Variants in PPM1F observed in about 807,000 individuals in gnomAD.
PPM1F encodes protein phosphatase, Mg2+/Mn2+ dependent 1F, also known as protein phosphatase 1F.
In PPM1F, 17 loss-of-function variants were observed where a neutral mutation model predicts 35.5. The observed-to-expected ratio is 0.48, with a 90% CI of 0.33 to 0.72. PPM1F has a LOEUF of 0.72. PPM1F is among the 30% of genes least tolerant of loss of function. The probability of loss-of-function intolerance (pLI) is 0.02; values close to 1 mark genes in which losing one functional copy is unlikely to be tolerated. For synonymous variants in PPM1F, 241 were observed against 255.5 expected, an observed-to-expected ratio of 0.94 and a Z score of 0.54; for missense variants, 521 against 613.0, an observed-to-expected ratio of 0.85 and a Z score of 1.59.
intron 7 of PPM1F, among the ~76,000 whole-genome samples, chr22:21,923,824 C>G (rs540903454): frequency 6.6e-6 from 1 of 151,576 alleles, no homozygotes; most frequent in South Asian, 2.1e-4. Flanking sequence ...ATTACAGGCT[C>G]GCGCCACCAT....
chr22:21,928,873 C>G (rs983497856), intron 6 of PPM1F, among the ~76,000 whole-genome samples: 19 of 152,326 alleles, frequency 1.2e-4, no homozygotes, highest in Middle Eastern at 3.4e-3. Flanking sequence ...GGTCCTTGCC[C>G]TCCTCCTGCT....
At chr22:21,942,223 A>G (rs2070732998) in intron 2 of PPM1F, 1 of 151,952 alleles carries the variant, frequency 6.6e-6, no homozygotes, top group Non-Finnish European at 1.5e-5. Context: ...TGGGCACCCA[A>G]GGTATCTACT....
intron 6 of PPM1F, among the ~76,000 whole-genome samples, chr22:21,927,956 T>C (rs1238329988): frequency 7.0e-6 from 1 of 142,252 alleles, no homozygotes; most frequent in Non-Finnish European, 1.5e-5. Context: ...TTTTTTTTTT[T>C]TTTTTTTTTT....
intron 6 of PPM1F, among the ~76,000 whole-genome samples, chr22:21,927,942 G>GTTTTGTTTTTTTTTTTTT (rs2070537227): frequency 1.3e-5 from 1 of 75,126 alleles, no homozygotes; most frequent in Non-Finnish European, 2.3e-5. Flanking sequence ...TTTTTGTTTT[G>GTTTTGTTTTTTTTTTTTT]TTTTTTTTTT....
At chr22:21,934,307 C>T (rs2070632780) in intron 3 of PPM1F, 81 bp from the exon 4 acceptor site, 1 of 1,240,246 alleles carries the variant, frequency 8.1e-7, no homozygotes, top group African/African-American at 1.5e-5. Flanking sequence ...ACAGCTCCCA[C>T]AGGGGCCTGC....
chr22:21,946,163 A>T, intron 1 of PPM1F, 55 bp from the exon 2 acceptor site: 3 of 840,456 alleles, frequency 3.6e-6, no homozygotes, highest in Non-Finnish European at 5.3e-6. Context: ...CCAGCAATGC[A>T]GGTGCCCACC....
rs2070706347 is a variant in PPM1F at position 21,939,896 on chromosome 22, GA to G, written c.207-217del. ...CATACTTGAGCCTGCGGCTAGTTGGGAGGGGGCTGTTGATGGGCAAGTAAAC... is the reference window on the plus strand; with the variant it reads ...CATACTTGAGCCTGCGGCTAGTTGGGGGGGGCTGTTGATGGGCAAGTAAAC... On this transcript the variant is annotated intron_variant, in intron 2 of 7. Transcript: ENST00000263212. The surrounding 1 kb of genome is among the most constrained non-coding windows in gnomAD (Gnocchi z 5.1). 6.6e-6 allele frequency among the ~76,000 whole-genome samples: 1 copy of G among 152,234 alleles called. No individual in the cohort carries two copies. The highest frequency in any genetic ancestry group is 1.5e-5 in the Non-Finnish European group (1 of 68,034).
chr22:21,939,508 C>A lies in PPM1F; in HGVS notation c.355+24G>T. On this transcript the variant is annotated intron_variant, in intron 3 of 7. Coordinates refer to ENST00000263212, the MANE Select transcript of PPM1F (RefSeq NM_014634.4). This position sits in a 1 kb window ranked among gnomAD's most constrained non-coding sequence, Gnocchi z 5.1. The stretch of plus-strand genomic sequence containing the variant: ...GTTGCCTGCTAAGCAGCCCTGGGGC[C>A]ACCTCAGAAGAAACAGAACTCACAG... 1 of 1,606,306 alleles carries A rather than the reference C, an allele frequency of 6.2e-7. No individual in the cohort carries two copies. The highest frequency in any genetic ancestry group is 8.5e-7 in the Non-Finnish European group (1 of 1,175,920).
At chr22:21,928,070 C>T (rs965447468) in intron 6 of PPM1F, among the ~76,000 whole-genome samples, 1 of 149,110 alleles carries the variant, frequency 6.7e-6, no homozygotes. Flanking sequence ...CTCCTGCCTT[C>T]GCCTCCCGAC....
In PPM1F at chr22:21,919,678, C is replaced by G. The variant is rs2070424840; in HGVS notation, c.*3414G>C. On this transcript the variant is annotated 3_prime_UTR_variant, in exon 8 of 8. Coordinates refer to ENST00000263212, the MANE Select transcript of PPM1F (RefSeq NM_014634.4). The stretch of plus-strand genomic sequence containing the variant: ...ATTTGGCAAAGCTATGGAGCCTTGG[C>G]AGAATGCACAGGACTCTGGGGGCTG... The G allele has an allele frequency of 6.6e-6, 1 of 152,288 alleles. No individual in the cohort carries two copies. Among genetic ancestry groups the G allele is most frequent in the African/African-American group, 2.4e-5 (1 of 41,458 alleles). The allele number at this position is 152,288 out of a possible 1,614,324, so 9.4% of individuals were successfully genotyped here.
In PPM1F at chr22:21,921,028, T is replaced by C. The variant is rs1054440196; in HGVS notation, c.*2064A>G. 1 of 151,380 alleles carries C rather than the reference T, an allele frequency of 6.6e-6. No homozygotes were observed. Among genetic ancestry groups the C allele is most frequent in the Non-Finnish European group, 1.5e-5 (1 of 67,786 alleles). The allele number at this position is 151,380 out of a possible 1,614,324, so 9.4% of individuals were successfully genotyped here. On this transcript the variant is annotated 3_prime_UTR_variant, in exon 8 of 8. Transcript: ENST00000263212. ...TGAATGACAGCGACTATGTTTAAGG[T>C]TTTTTTTTGTAAATAAGAGACCTTA...
chr22:21,929,392 AC>A lies in PPM1F; in HGVS notation c.891+1755del, dbSNP rs912837214. Reference sequence around the variant, plus strand: ...ACATGCACTGGGACACTCAATCCTTACCCCAAACCTCCAGGGACCCCTGTGT... The same window carrying A: ...ACATGCACTGGGACACTCAATCCTTACCCAAACCTCCAGGGACCCCTGTGT... On this transcript the variant is annotated intron_variant, in intron 6 of 7. Transcript: ENST00000263212. 4.6e-5 allele frequency among the ~76,000 whole-genome samples: 7 copies of A among 152,126 alleles called. No individual in the cohort carries two copies. In the East Asian group the frequency reaches 1.2e-3, roughly 25 times the overall value.
chr22:21,933,673 G>A, intron 4 of PPM1F, 94 bp from the exon 5 acceptor site: 7 of 1,182,136 alleles, frequency 5.9e-6, no homozygotes, highest in Non-Finnish European at 8.5e-6. Context: ...GAGTCTGGGA[G>A]AATCAGTATG....
intron 6 of PPM1F, among the ~76,000 whole-genome samples, chr22:21,926,783 C>A (rs2070521481): frequency 6.6e-6 from 1 of 152,156 alleles, no homozygotes; most frequent in Non-Finnish European, 1.5e-5. Context: ...AGGCACAGCA[C>A]CAGCTGGGCA....
At chr22:21,945,276 A>C (rs995356257) in intron 2 of PPM1F, 3 of 152,522 alleles carry the variant, frequency 2.0e-5, no homozygotes, top group Non-Finnish European at 4.4e-5. Context: ...AAACATGAGG[A>C]TCCATGGAGC....
chr22:21,945,476 C>T (rs372477843), intron 2 of PPM1F: 7 of 246,578 alleles, frequency 2.8e-5, no homozygotes, highest in African/African-American at 9.2e-5. Context: ...GGGGAGATGC[C>T]GTGTGCAACA....
intron 7 of PPM1F, chr22:21,924,784 G>A (rs2145790629): frequency 6.6e-6 from 1 of 151,406 alleles, no homozygotes; most frequent in East Asian, 1.9e-4. Flanking sequence ...GGCCAGGCTG[G>A]TCTCGAACTC....
At chr22:21,928,886 C>T (rs971319507) in intron 6 of PPM1F, among the ~76,000 whole-genome samples, 7 of 152,194 alleles carry the variant, frequency 4.6e-5, no homozygotes, top group Middle Eastern at 3.2e-3. Flanking sequence ...CTCCTGCTCC[C>T]CCATTAGACT....
chr22:21,938,708 A>AACGTCCCACCCAG, intron 3 of PPM1F: 4 of 637,740 alleles, frequency 6.3e-6, no homozygotes, highest in Non-Finnish European at 7.8e-6. Flanking sequence ...GCTGGGTGGG[A>AACGTCCCACCCAG]CGTTGCTACC....
Sources: gnomAD v4.1 joint callset for allele counts (sites outside exome capture counted in the v4.1 genomes callset) on GRCh38, gnomAD v4.1.1 for gene constraint, Gnocchi (gnomAD v3.1) non-coding constraint, MANE v1.5 for transcripts, NCBI Gene and HGNC (gene_info 2026-07-23, HGNC 2026-07-21) for gene names.